NIBAN1: variants seen among roughly 807,000 people sequenced by gnomAD.
NIBAN1 encodes niban apoptosis regulator 1, also known as protein Niban 1.
Under a neutral mutation model 75.1 loss-of-function variants are expected in NIBAN1, and 81 were observed. The observed-to-expected ratio is 1.08, with a 90% CI of 0.90 to 1.30. NIBAN1 has a LOEUF of 1.30. Among genes scored for constraint, NIBAN1 ranks in the 50% most tolerant of loss-of-function variants. The pLI is 0.00. For missense variants in NIBAN1, 1,133 were observed against 1,128.1 expected (o/e 1.00, Z -0.06); for synonymous variants, 436 against 424.8 (o/e 1.03, Z -0.32).
At chr1:184,844,729 A>T (rs894045192) in intron 5 of NIBAN1, among the ~76,000 whole-genome samples, 1 of 152,230 alleles carries the variant, frequency 6.6e-6, no homozygotes, top group South Asian at 2.1e-4. Context: ...TGTCTAGGAC[A>T]ATACATCCCA....
At chr1:184,815,494 T>G (rs1336694883) in intron 9 of NIBAN1, among the ~76,000 whole-genome samples, 1 of 152,168 alleles carries the variant, frequency 6.6e-6, no homozygotes. Flanking sequence ...GAAGATGACA[T>G]CCTTGATGTG....
intron 5 of NIBAN1, among the ~76,000 whole-genome samples, chr1:184,879,036 C>A (rs181965711): frequency 1.2e-4 from 19 of 152,238 alleles, no homozygotes; most frequent in Non-Finnish European, 2.1e-4. Flanking sequence ...CTATGTGAGG[C>A]AAAGAGCACA....
intron 6 of NIBAN1, 37 bp from the exon 7 acceptor site, chr1:184,823,779 G>T (rs377595081): frequency 4.5e-6 from 7 of 1,571,398 alleles, no homozygotes; most frequent in Non-Finnish European, 5.3e-6. Context: ...CGGTCAGTCG[G>T]TGATGGCTAC....
chr1:184,860,266 T>A (rs1478576055), intron 5 of NIBAN1, among the ~76,000 whole-genome samples: 1 of 89,480 alleles, frequency 1.1e-5, no homozygotes, highest in African/African-American at 4.5e-5. Context: ...AATATAGCAC[T>A]GCGGCGGGGG....
intron 9 of NIBAN1, 92 bp downstream of exon 9, chr1:184,818,546 G>T: frequency 8.2e-7 from 1 of 1,226,724 alleles, no homozygotes. Flanking sequence ...AGGAAAGAAG[G>T]GAGGAAGGGA....
intron 5 of NIBAN1, among the ~76,000 whole-genome samples, chr1:184,855,665 A>C (rs1355447566): frequency 6.6e-6 from 1 of 152,172 alleles, no homozygotes; most frequent in African/African-American, 2.4e-5. Flanking sequence ...GTCATGCTAC[A>C]TAATTTCTTT....
At chr1:184,883,679 T>C (rs234662) in intron 5 of NIBAN1, among the ~76,000 whole-genome samples, 65,317 of 152,082 alleles carry the variant, frequency 0.43, 14,153 homozygotes, top group South Asian at 0.52. Flanking sequence ...GCAGCATCAG[T>C]GCCACTCGGC....
intron 5 of NIBAN1, among the ~76,000 whole-genome samples, chr1:184,851,913 G>T (rs968172152): frequency 1.3e-5 from 2 of 151,566 alleles, no homozygotes; most frequent in Non-Finnish European, 2.9e-5. Context: ...AAATGGTCCT[G>T]GGCAGTTTGC....
intron 5 of NIBAN1, among the ~76,000 whole-genome samples, chr1:184,839,545 C>CTGTG (rs113049406): frequency 0.2 from 29,641 of 148,578 alleles, 3,389 homozygotes; most frequent in African/African-American, 0.31. Context: ...ACATGCATTC[C>CTGTG]TGTGTGTGTG....
At chr1:184,799,284 T>C (rs1299416560) in intron 12 of NIBAN1, among the ~76,000 whole-genome samples, 2 of 150,156 alleles carry the variant, frequency 1.3e-5, no homozygotes, top group Non-Finnish European at 3.0e-5. Context: ...TGAGTGAGAA[T>C]ATGCGGTGTT....
At chr1:184,941,622 C>G (rs1173889498) in intron 1 of NIBAN1, among the ~76,000 whole-genome samples, 13 of 149,868 alleles carry the variant, frequency 8.7e-5, no homozygotes, top group Non-Finnish European at 1.3e-4. Context: ...TGCACTCCAG[C>G]CTGGGCTTTA....
chr1:184,961,569 A>G (rs1279098260), intron 1 of NIBAN1, among the ~76,000 whole-genome samples: 1 of 152,188 alleles, frequency 6.6e-6, no homozygotes, highest in Non-Finnish European at 1.5e-5. Flanking sequence ...CTTAATAGCC[A>G]TCATGCTTCC....
chr1:184,806,099 C>T (rs1257458717), intron 10 of NIBAN1, 43 bp from the exon 11 acceptor site: 4 of 1,527,356 alleles, frequency 2.6e-6, no homozygotes, highest in East Asian at 2.3e-5. Context: ...CAGTCAGGGG[C>T]TGGGATCACC....
intron 1 of NIBAN1, among the ~76,000 whole-genome samples, chr1:184,931,690 C>T (rs893983558): frequency 1.3e-5 from 2 of 152,166 alleles, no homozygotes; most frequent in African/African-American, 4.8e-5. Context: ...TTTTGCTACA[C>T]AGACATGTGC....
chr1:184,902,881 G>A (rs1042800559), intron 1 of NIBAN1, among the ~76,000 whole-genome samples: 2 of 152,170 alleles, frequency 1.3e-5, no homozygotes, highest in African/African-American at 4.8e-5. Context: ...TTCATGAGGA[G>A]CAAATAAAAT....
At chr1:184,895,264 G>A (rs1040431894) in intron 2 of NIBAN1, among the ~76,000 whole-genome samples, 5 of 152,090 alleles carry the variant, frequency 3.3e-5, no homozygotes, top group Non-Finnish European at 7.4e-5. Context: ...TGAAACCATG[G>A]CATAAGCTGA....
chr1:184,863,556 A>G (rs1655871442), intron 5 of NIBAN1, among the ~76,000 whole-genome samples: 1 of 152,242 alleles, frequency 6.6e-6, no homozygotes, highest in Non-Finnish European at 1.5e-5. Flanking sequence ...CAGAATCTAG[A>G]TTGCCTACAT....
chr1:184,969,868 T>A (rs928804397), intron 1 of NIBAN1, among the ~76,000 whole-genome samples: 1 of 151,462 alleles, frequency 6.6e-6, no homozygotes, highest in Non-Finnish European at 1.5e-5. Context: ...GGAGTTCTGT[T>A]AGAAAAAGGA....
At chr1:184,950,124 C>T (rs1447111423) in intron 1 of NIBAN1, among the ~76,000 whole-genome samples, 1 of 152,110 alleles carries the variant, frequency 6.6e-6, no homozygotes, top group East Asian at 1.9e-4. Flanking sequence ...GAACCCCACC[C>T]AACCCCAACC....
Sources: allele counts gnomAD v4.1 joint callset (sites outside exome capture counted in the v4.1 genomes callset), GRCh38; gene constraint gnomAD v4.1.1; transcripts MANE v1.5; gene names NCBI Gene and HGNC (gene_info 2026-07-23, HGNC 2026-07-21).